Variants in CKMT1A observed in about 807,000 individuals in gnomAD.
CKMT1A encodes creatine kinase U-type, mitochondrial.
In CKMT1A, 23 loss-of-function variants were observed where a neutral mutation model predicts 21.8. The ratio of observed to expected loss-of-function variants is 1.05; its 90% CI spans 0.76 to 1.49. The LOEUF (loss-of-function observed/expected upper bound fraction) is 1.49, where lower values mean the gene tolerates loss of function less well. Among genes scored for constraint, CKMT1A ranks in the 40% most tolerant of loss-of-function variants. The probability of loss-of-function intolerance (pLI) is 0.00; values close to 1 mark genes in which losing one functional copy is unlikely to be tolerated. For synonymous variants in CKMT1A, 67 were observed against 80.4 expected, an observed-to-expected ratio of 0.83 and a Z score of 0.89; for missense variants, 154 against 229.4, an observed-to-expected ratio of 0.67 and a Z score of 2.12.
intron 6 of CKMT1A, chr15:43,696,919 T>A (rs1288566524): frequency 1.0e-5 from 3 of 291,894 alleles, no homozygotes; most frequent in Non-Finnish European, 2.0e-5. Flanking sequence ...TTGAACTGAA[T>A]CATCAATCCT....
At chr15:43,698,368 T>C (rs1567144194) in intron 7 of CKMT1A, among the ~76,000 whole-genome samples, 1 of 151,548 alleles carries the variant, frequency 6.6e-6, no homozygotes, top group African/African-American at 2.4e-5. Flanking sequence ...GGCAACCTGG[T>C]GAAACCCCAT....
intron 6 of CKMT1A, chr15:43,697,743 T>A (rs1297885719): frequency 1.4e-5 from 14 of 984,688 alleles, no homozygotes; most frequent in Non-Finnish European, 6.0e-6. Context: ...TTTCCCTAGA[T>A]CATCCTTAAT....
rs762088481 is a variant in CKMT1A at position 43,698,722 on chromosome 15, G to A, written c.1093G>A (p.Gly365Ser). ...TGGVDTAATGGVFDISNLDRL... is the reference protein window; with the variant it reads ...TGGVDTAATGSVFDISNLDRL... ...AGGAGTGGACACTGCTGCCACAGGC[G>A]GTGTCTTTGATATTTCTAATTTGGA... is the stretch of plus-strand genomic sequence containing the variant. Residue 365 changes from glycine (G) to serine (S), a missense_variant, in exon 8 of 9, where the codon GGT becomes AGT. Gly to Ser is a moderately conservative substitution (Grantham distance 56). Coordinates refer to ENST00000413453, the MANE Select transcript of CKMT1A (RefSeq NM_001321926.2). The A allele has an allele frequency of 5.6e-6, 9 of 1,613,406 alleles. No individual in the cohort carries two copies. Among genetic ancestry groups the A allele is most frequent in the East Asian group, 2.2e-5 (1 of 44,876 alleles).
At chr15:43,697,333 G>T (rs1010117121) in intron 6 of CKMT1A, 139 of 1,258,182 alleles carry the variant, frequency 1.1e-4, no homozygotes, top group Non-Finnish European at 1.4e-4. Flanking sequence ...AGATATCCCT[G>T]GTGGCATGGT....
Position 43,697,854 on chromosome 15 carries a change from A to G in CKMT1A, c.877-160A>G, listed in dbSNP as rs570622010. The G allele has an allele frequency of 2.2e-3, 2,139 of 982,434 alleles. 18 individuals carry two copies. Among genetic ancestry groups the G allele is most frequent in the Middle Eastern group, 2.6e-3 (5 of 1,910 alleles). 60.9% of individuals were successfully genotyped at this position (982,434 alleles called of 1,614,324 possible). On this transcript the variant is annotated intron_variant, in intron 6 of 8. Transcript: ENST00000413453. ...TGCATCATGCATGCATGAAAACAATAACAAACCTTTTTCATTTAAAAAAAG... is the reference window on the plus strand; with the variant it reads ...TGCATCATGCATGCATGAAAACAATGACAAACCTTTTTCATTTAAAAAAAG...
chr15:43,696,959 A>G, intron 6 of CKMT1A: 1 of 297,368 alleles, frequency 3.4e-6, no homozygotes, highest in Non-Finnish European at 6.6e-6. Context: ...ATTCAAGTCT[A>G]CATTAGAAAT....
At chr15:43,696,540 C>T in intron 6 of CKMT1A, 177 bp downstream of exon 6, 1 of 953,928 alleles carries the variant, frequency 1.0e-6, no homozygotes, top group Non-Finnish European at 1.5e-6. Context: ...ACTGGGAAAA[C>T]CAGGACATGT....
intron 6 of CKMT1A, chr15:43,697,388 T>A: frequency 2.0e-6 from 2 of 984,986 alleles, no homozygotes; most frequent in Non-Finnish European, 2.4e-6. Flanking sequence ...TGTTGGATAG[T>A]GGTCTTTGTG....
chr15:43,699,090 C>T lies in CKMT1A; in HGVS notation c.*1C>T. 1 of 1,613,502 alleles carries T rather than the reference C, an allele frequency of 6.2e-7. No homozygotes were observed. Among genetic ancestry groups the T allele is most frequent in the South Asian group, 1.1e-5 (1 of 91,044 alleles). On this transcript the variant is annotated 3_prime_UTR_variant, in exon 9 of 9. Transcript: ENST00000413453. ...ACCTGTCATCCACACCAAGCATTAA[C>T]TCCCCATCGCCAGCTGATGACTCAA...
At chr15:43,698,213 A>G (rs2086479432) in intron 7 of CKMT1A, 65 bp downstream of exon 7, 1 of 1,603,850 alleles carries the variant, frequency 6.2e-7, no homozygotes, top group Non-Finnish European at 8.5e-7. Flanking sequence ...ATGGGGAGGG[A>G]GTGGACCCTT....
intron 8 of CKMT1A, 64 bp downstream of exon 8, chr15:43,698,830 G>C (rs898227289): frequency 1.2e-6 from 2 of 1,608,226 alleles, no homozygotes; most frequent in African/African-American, 2.7e-5. Context: ...ATATGGCAGT[G>C]AGTGAGCCTC....
At chr15:43,697,058 A>C in intron 6 of CKMT1A, 1 of 333,344 alleles carries the variant, frequency 3.0e-6, no homozygotes, top group Non-Finnish European at 5.7e-6. Flanking sequence ...CCTCTTTTAG[A>C]TTCTGAGAAG....
chr15:43,698,191 G>A lies in CKMT1A; in HGVS notation c.1011+43G>A, dbSNP rs755985779. ...TTACAGAGGGGTGTGAGTAAGGAAG[G>A]GTGGGTTGTGGATGGGGAGGGAGTG... On this transcript the variant is annotated intron_variant, in intron 7 of 8. Transcript: ENST00000413453. The A allele has an allele frequency of 2.9e-5, 47 of 1,601,900 alleles. 2 individuals carry two copies. The South Asian group carries it at 5.2e-4, about 18-fold the overall frequency.
At chr15:43,697,261 G>A in intron 6 of CKMT1A, 10 of 1,231,060 alleles carry the variant, frequency 8.1e-6, no homozygotes, top group Non-Finnish European at 1.0e-5. Context: ...CTTAATAAGT[G>A]TTAAAGTGTT....
intron 6 of CKMT1A, chr15:43,697,763 C>T (rs2086471346): frequency 1.0e-6 from 1 of 984,826 alleles, no homozygotes; most frequent in African/African-American, 1.7e-5. Flanking sequence ...TACACCACGC[C>T]TTCGAGTTTT....
chr15:43,699,040 G>A lies in CKMT1A; in HGVS notation c.1205G>A (p.Arg402Lys), dbSNP rs143630759. Residue 402 changes from arginine to lysine, a missense_variant, in exon 9 of 9, where the codon AGA becomes AAA. Coordinates refer to ENST00000413453, the MANE Select transcript of CKMT1A (RefSeq NM_001321926.2). Reference sequence around the variant, plus strand: ...ATTGATTGTGAACGGCGTCTGGAGAGAGGCCAGGATATCCGCATCCCCACA... The same window carrying A: ...ATTGATTGTGAACGGCGTCTGGAGAAAGGCCAGGATATCCGCATCCCCACA... ...YLIDCERRLE[R>K]GQDIRIPTPV... is the part of the protein sequence containing the mutation. 109 of 1,613,528 alleles carry A rather than the reference G, an allele frequency of 6.8e-5. 1 individual carries two copies. The highest frequency in any genetic ancestry group is 9.0e-5 in the Non-Finnish European group (106 of 1,179,872).
At position 43,696,082 on chromosome 15, in the gene CKMT1A, C is replaced by T; in HGVS notation, c.710C>T (p.Ala237Val). 1.6e-6 allele frequency: 1 copy of T among 615,842 alleles called. No individual in the cohort carries two copies. The highest frequency in any genetic ancestry group is 2.6e-6 in the Non-Finnish European group (1 of 385,194). The allele number at this position is 615,842 out of a possible 1,614,324, so 38.1% of individuals were successfully genotyped here. A position where few individuals can be genotyped will look rare whatever the true frequency, so the allele number is the denominator to read the frequency against. Residue 237 changes from alanine (A) to valine (V), a missense_variant, in exon 5 of 9, where the codon GCA (alanine) becomes GTA (valine). Coordinates refer to ENST00000413453, the MANE Select transcript of CKMT1A (RefSeq NM_001321926.2). ...FDKPVSPLLT[A>V]AGMARDWPDA... ...AAGCCTGTGTCCCCGTTGCTGACTGCAGCAGGAATGGCTCGAGACTGGCCA... is the reference window on the plus strand; with the variant it reads ...AAGCCTGTGTCCCCGTTGCTGACTGTAGCAGGAATGGCTCGAGACTGGCCA...
chr15:43,698,453 G>A (rs1333523221), intron 7 of CKMT1A, among the ~76,000 whole-genome samples, 188 bp from the exon 8 acceptor site: 6 of 150,030 alleles, frequency 4.0e-5, no homozygotes, highest in Non-Finnish European at 5.9e-5. Context: ...CTGGGAAGTC[G>A]AGGCTTCAGT....
intron 7 of CKMT1A, 123 bp from the exon 8 acceptor site, chr15:43,698,518 A>G (rs2086486616): frequency 5.0e-6 from 7 of 1,404,918 alleles, no homozygotes; most frequent in South Asian, 3.1e-5. Context: ...TAAAAAAAAA[A>G]AAAAAGAAAA....
Sources: gnomAD v4.1 joint callset for allele counts (sites outside exome capture counted in the v4.1 genomes callset) on GRCh38, gnomAD v4.1.1 for gene constraint, MANE v1.5 for transcripts, NCBI Gene and HGNC (gene_info 2026-07-23, HGNC 2026-07-21) for gene names.